Variants in ADGRF5 observed in about 807,000 individuals in gnomAD.
The protein encoded by ADGRF5 is G-protein coupled receptor 116.
ADGRF5 carries 75 observed loss-of-function variants against 132.3 expected under a neutral mutation model. The observed-to-expected ratio is 0.57, with a 90% CI of 0.47 to 0.69. The LOEUF (loss-of-function observed/expected upper bound fraction) is 0.69. ADGRF5 is among the 30% of genes least tolerant of loss of function. The probability of loss-of-function intolerance (pLI) is 0.00; values close to 1 mark genes in which losing one functional copy is unlikely to be tolerated. For synonymous variants in ADGRF5, 629 were observed against 597.6 expected, an observed-to-expected ratio of 1.05 and a Z score of -0.77; for missense variants, 1,516 against 1,630.6, an observed-to-expected ratio of 0.93 and a Z score of 1.21.
chr6:46,897,880 G>C (rs570961283), intron 3 of ADGRF5, among the ~76,000 whole-genome samples: 1 of 152,200 alleles, frequency 6.6e-6, no homozygotes, highest in South Asian at 2.1e-4. Flanking sequence ...GGATATCTGG[G>C]GCCTAGTACC....
At chr6:46,890,144 G>T (rs1471472925) in intron 3 of ADGRF5, among the ~76,000 whole-genome samples, 1 of 152,038 alleles carries the variant, frequency 6.6e-6, no homozygotes. Flanking sequence ...CCAGGCTGGA[G>T]TGTAGTGGCA....
At chr6:46,927,421 C>T (rs6458530) in intron 1 of ADGRF5, among the ~76,000 whole-genome samples, 112,982 of 151,794 alleles carry the variant, frequency 0.74, 42,156 homozygotes, top group East Asian at 0.85. Context: ...ACTTAGAATT[C>T]AGATCTTGTG....
chr6:46,907,943 A>T (rs1775561795), intron 1 of ADGRF5: 1 of 152,218 alleles, frequency 6.6e-6, no homozygotes, highest in Admixed American at 6.5e-5. Context: ...TATTACTCTG[A>T]TCGTCAATAG....
rs375034218 is a variant in ADGRF5, at chr6:46,858,877, C to T, written c.3026G>A (p.Gly1009Glu). Residue 1009 changes from glycine to glutamate, a missense_variant, in exon 17 of 21, where the codon GGA (glycine) becomes GAA (glutamate). Coordinates refer to ENST00000283296, the MANE Select transcript of ADGRF5 (RefSeq NM_001098518.2). ...ATAAGAAATAATATCCAGGAGTATT[C>T]CCAGGAGAGAACTAGGATCTGGGGA... ...PDSPDPSSLL[G>E]ILLDIISYVG... The T allele has an allele frequency of 6.2e-7, 1 of 1,614,056 alleles. No individual in the cohort carries two copies. Among genetic ancestry groups the T allele is most frequent in the Non-Finnish European group, 8.5e-7 (1 of 1,179,968 alleles).
upstream of ADGRF5, among the ~76,000 whole-genome samples, chr6:46,923,859 G>A (rs538996301): frequency 3.5e-4 from 53 of 152,340 alleles, no homozygotes; most frequent in Admixed American, 1.9e-3. Flanking sequence ...CTGCCCTGTC[G>A]TAGCTACGGC....
chr6:46,855,388 T>G (rs1768929354), intron 20 of ADGRF5, among the ~76,000 whole-genome samples: 2 of 152,238 alleles, frequency 1.3e-5, no homozygotes, highest in South Asian at 4.1e-4. Flanking sequence ...GTCATAATTA[T>G]TACCCTATTT....
intron 3 of ADGRF5, among the ~76,000 whole-genome samples, chr6:46,888,814 G>A (rs1373361522): frequency 6.6e-6 from 1 of 152,148 alleles, no homozygotes; most frequent in Non-Finnish European, 1.5e-5. Context: ...TCAAAGGAGT[G>A]AGTCAGTGTT....
intron 19 of ADGRF5, 90 bp from the exon 20 acceptor site, chr6:46,856,148 T>C: frequency 1.4e-6 from 1 of 728,184 alleles, no homozygotes; most frequent in Non-Finnish European, 2.5e-6. Flanking sequence ...TTCCACCCTC[T>C]AGTGGTCACT....
chr6:46,900,142 C>A (rs1422346520), intron 2 of ADGRF5, 59 bp from the exon 3 acceptor site: 9 of 1,266,780 alleles, frequency 7.1e-6, no homozygotes. Context: ...TTCACTGTGG[C>A]TCCCCGCTTA....
chr6:46,940,997 T>C (rs1778026364), intron 1 of ADGRF5, among the ~76,000 whole-genome samples: 1 of 152,118 alleles, frequency 6.6e-6, no homozygotes, highest in Non-Finnish European at 1.5e-5. Flanking sequence ...GACAGAGAAG[T>C]GGTTCAAAAA....
intron 1 of ADGRF5, among the ~76,000 whole-genome samples, chr6:46,943,188 G>A (rs1192199117): frequency 2.0e-5 from 3 of 152,006 alleles, no homozygotes; most frequent in Admixed American, 6.6e-5. Flanking sequence ...GCTAAAGTAA[G>A]TAAGGAGAAC....
chr6:46,911,517 A>G (rs1005382477), intron 1 of ADGRF5, among the ~76,000 whole-genome samples: 22 of 152,192 alleles, frequency 1.4e-4, no homozygotes, highest in African/African-American at 5.3e-4. Flanking sequence ...AACCCCACAC[A>G]ATCACTGCAT....
At chr6:46,923,936 A>G (rs1298392808), upstream of ADGRF5, among the ~76,000 whole-genome samples, 1 of 152,152 alleles carries the variant, frequency 6.6e-6, no homozygotes, top group Non-Finnish European at 1.5e-5. Context: ...GCTGAACCCA[A>G]ATTTCTTGAA....
chr6:46,873,451 C>A (rs1171510567), intron 10 of ADGRF5, among the ~76,000 whole-genome samples: 2 of 152,144 alleles, frequency 1.3e-5, no homozygotes, highest in East Asian at 3.8e-4. Context: ...CTGCAGCATC[C>A]CATTCTCCTG....
At chr6:46,886,796 A>G (rs1208377117) in intron 4 of ADGRF5, 1 of 151,810 alleles carries the variant, frequency 6.6e-6, no homozygotes, top group Non-Finnish European at 1.5e-5. Flanking sequence ...TTTTAGGCCA[A>G]CTCCTCTTAG....
chr6:46,889,894 C>T (rs1449308142), intron 3 of ADGRF5, among the ~76,000 whole-genome samples: 2 of 151,498 alleles, frequency 1.3e-5, no homozygotes, highest in African/African-American at 4.9e-5. Context: ...CTTCTCTTAG[C>T]CTTACTTACT....
chr6:46,922,845 C>G (rs1037701878), upstream of ADGRF5, among the ~76,000 whole-genome samples: 4 of 152,236 alleles, frequency 2.6e-5, no homozygotes, highest in African/African-American at 9.6e-5. Flanking sequence ...AGAAAGGACT[C>G]TGGAGTCAGA....
chr6:46,898,940 A>G (rs796618902), intron 3 of ADGRF5, among the ~76,000 whole-genome samples: 103 of 152,330 alleles, frequency 6.8e-4, no homozygotes, highest in African/African-American at 2.3e-3. Flanking sequence ...CTATTCGCTC[A>G]CTGGTTGAGA....
intron 4 of ADGRF5, 79 bp downstream of exon 4, chr6:46,888,256 G>T (rs1386448952): frequency 4.0e-6 from 4 of 1,003,934 alleles, no homozygotes; most frequent in Admixed American, 2.0e-5. Context: ...GTAAAAGATT[G>T]CTCTGATACT....
Sources: gnomAD v4.1 joint callset for allele counts (sites outside exome capture counted in the v4.1 genomes callset) on GRCh38, gnomAD v4.1.1 for gene constraint, MANE v1.5 for transcripts, NCBI Gene and HGNC (gene_info 2026-07-23, HGNC 2026-07-21) for gene names.